Variants in HHIPL2 observed in about 807,000 individuals in gnomAD.
HHIPL2 encodes the protein HHIP-like protein 2.
In HHIPL2, 61 loss-of-function variants were observed where a neutral mutation model predicts 61.0. The observed-to-expected ratio is 1.00, with a 90% CI of 0.81 to 1.24. The LOEUF is 1.24. HHIPL2 is among the 50% of genes most tolerant of loss of function. HHIPL2 has a pLI of 0.00. For missense variants in HHIPL2, 885 were observed against 910.2 expected (o/e 0.97, Z 0.36); for synonymous variants, 343 against 357.4 (o/e 0.96, Z 0.45).
chr1:222,526,359 T>C lies in HHIPL2; in HGVS notation c.1805+610A>G, dbSNP rs76323070. Among the ~76,000 whole-genome samples the C allele has an allele frequency of 6.2e-3, 931 of 150,098 alleles. 21 individuals are homozygous for C. The East Asian group carries it at 0.09, about 15-fold the overall frequency. On this transcript the variant is annotated intron_variant, in intron 7 of 8. Transcript: ENST00000343410. ...CAGTACTTACTCAGGTGCTCAGAGGTGTACACCTGTTGTTAGATGACCTCA... is the reference window on the plus strand; with the variant it reads ...CAGTACTTACTCAGGTGCTCAGAGGCGTACACCTGTTGTTAGATGACCTCA...
chr1:222,535,680 A>G (rs983972555), intron 5 of HHIPL2, among the ~76,000 whole-genome samples: 11 of 152,072 alleles, frequency 7.2e-5, no homozygotes, highest in Non-Finnish European at 8.8e-5. Context: ...TCGTTGTTGC[A>G]TCACCTTCTA....
chr1:222,527,945 T>C (rs1255323310), intron 6 of HHIPL2, among the ~76,000 whole-genome samples: 1 of 152,190 alleles, frequency 6.6e-6, no homozygotes, highest in Non-Finnish European at 1.5e-5. Context: ...CTCTTTTTCT[T>C]TATAAATTAC....
intron 5 of HHIPL2, among the ~76,000 whole-genome samples, chr1:222,538,034 C>T (rs2102617606): frequency 6.6e-6 from 1 of 152,168 alleles, no homozygotes; most frequent in Non-Finnish European, 1.5e-5. Context: ...ATAAAAAAGA[C>T]AAATTACTGA....
intron 5 of HHIPL2, among the ~76,000 whole-genome samples, chr1:222,534,636 T>A (rs1659263862): frequency 7.3e-6 from 1 of 136,640 alleles, no homozygotes; most frequent in African/African-American, 2.8e-5. Flanking sequence ...CAGACCCAAA[T>A]CAAGTTTCTA....
intron 5 of HHIPL2, among the ~76,000 whole-genome samples, chr1:222,534,851 A>G (rs1659268541): frequency 6.6e-6 from 1 of 152,158 alleles, no homozygotes; most frequent in African/African-American, 2.4e-5. Context: ...CCCAATATAC[A>G]TGTAATTAGA....
In HHIPL2 at chr1:222,543,654, T is replaced by C; in HGVS notation, c.857A>G (p.Asn286Ser). ...GLAFHPKFRH[N>S]RKFYIYYSCL... Reference sequence around the variant, plus strand: ...CGAATAATAAATATAGAACTTGCGATTGTGGCGGAATTTGGGGTGAAAAGC... The same window carrying C: ...CGAATAATAAATATAGAACTTGCGACTGTGGCGGAATTTGGGGTGAAAAGC... Residue 286 changes from asparagine to serine, a missense_variant, in exon 2 of 9, where the codon AAT (asparagine) becomes AGT (serine). Transcript: ENST00000343410. 6.2e-7 allele frequency: 1 copy of C among 1,614,148 alleles called. No individual in the cohort carries two copies. Among genetic ancestry groups the C allele is most frequent in the Non-Finnish European group, 8.5e-7 (1 of 1,180,012 alleles).
chr1:222,532,923 T>C (rs1307817628), intron 5 of HHIPL2, among the ~76,000 whole-genome samples: 1 of 152,178 alleles, frequency 6.6e-6, no homozygotes, highest in East Asian at 1.9e-4. Context: ...TATCCCTCTA[T>C]CATCTATCTG....
chr1:222,544,660 G>A (rs1425345201), intron 1 of HHIPL2, among the ~76,000 whole-genome samples: 2 of 151,916 alleles, frequency 1.3e-5, no homozygotes, highest in Non-Finnish European at 2.9e-5. Context: ...CCACCATGTC[G>A]GCCCAGCCTC....
intron 5 of HHIPL2, among the ~76,000 whole-genome samples, chr1:222,535,208 A>G (rs752500067): frequency 2.2e-4 from 34 of 152,238 alleles, no homozygotes; most frequent in Non-Finnish European, 4.4e-4. Flanking sequence ...AAACATGTTA[A>G]CATAGACTTC....
chr1:222,523,429 G>T (rs748094454), intron 8 of HHIPL2, among the ~76,000 whole-genome samples, 183 bp downstream of exon 8: 2 of 152,142 alleles, frequency 1.3e-5, no homozygotes, highest in African/African-American at 4.8e-5. Flanking sequence ...AGAGGAAACC[G>T]GTCACAGTAG....
intron 1 of HHIPL2, among the ~76,000 whole-genome samples, chr1:222,547,161 A>G (rs1197982447): frequency 6.6e-6 from 1 of 152,186 alleles, no homozygotes; most frequent in Non-Finnish European, 1.5e-5. Context: ...TCTGTGAGTC[A>G]CTGCTACTCA....
At chr1:222,532,576 T>C (rs1455655395) in intron 5 of HHIPL2, among the ~76,000 whole-genome samples, 3 of 149,722 alleles carry the variant, frequency 2.0e-5, no homozygotes, top group African/African-American at 7.4e-5. Context: ...ATCATGCCAC[T>C]GCACACTCCA....
chr1:222,546,528 A>G (rs938160866), intron 1 of HHIPL2, among the ~76,000 whole-genome samples: 1 of 152,240 alleles, frequency 6.6e-6, no homozygotes, highest in Non-Finnish European at 1.5e-5. Context: ...GCTGACTTTG[A>G]CTTTCTGAAA....
intron 5 of HHIPL2, among the ~76,000 whole-genome samples, chr1:222,535,219 T>C (rs1229361203): frequency 2.0e-5 from 3 of 152,174 alleles, no homozygotes; most frequent in South Asian, 4.1e-4. Flanking sequence ...CATAGACTTC[T>C]ATACCTAGTG....
At chr1:222,545,755 G>C (rs983998416) in intron 1 of HHIPL2, among the ~76,000 whole-genome samples, 3 of 152,080 alleles carry the variant, frequency 2.0e-5, no homozygotes, top group African/African-American at 7.2e-5. Context: ...CTCTAGCCAG[G>C]CGCAGTAGCT....
intron 8 of HHIPL2, among the ~76,000 whole-genome samples, 153 bp downstream of exon 8, chr1:222,523,459 C>T (rs1023263222): frequency 6.6e-6 from 1 of 152,150 alleles, no homozygotes; most frequent in Admixed American, 6.5e-5. Context: ...TCCTTACACT[C>T]ATAACTCCTC....
chr1:222,522,557 C>A lies in HHIPL2; in HGVS notation c.*44G>T. The stretch of plus-strand genomic sequence containing the variant: ...CAGTGACTTTCATTTGATGAGGTGG[C>A]TCTCCTCTCTCACGTCACCCTGTCG... On this transcript the variant is annotated 3_prime_UTR_variant, in exon 9 of 9. Coordinates refer to ENST00000343410, the MANE Select transcript of HHIPL2 (RefSeq NM_024746.4). The A allele has an allele frequency of 6.4e-7, 1 of 1,554,914 alleles. No individual in the cohort carries two copies. Among genetic ancestry groups the A allele is most frequent in the Admixed American group, 1.7e-5 (1 of 57,430 alleles).
At chr1:222,539,527 T>TAAAAAAA (rs10537670) in intron 4 of HHIPL2, among the ~76,000 whole-genome samples, 1 of 85,170 alleles carries the variant, frequency 1.2e-5, no homozygotes, top group Admixed American at 1.3e-4. Flanking sequence ...AGACTCTGTC[T>TAAAAAAA]AAAAAAAAAA....
Position 222,540,193 on chromosome 1 carries a change from G to A in HHIPL2, c.1267C>T (p.Arg423Cys), listed in dbSNP as rs144328016. 121 of 1,614,104 alleles carry A rather than the reference G, an allele frequency of 7.5e-5. No individual in the cohort carries two copies. Among genetic ancestry groups the A allele is most frequent in the Middle Eastern group, 4.9e-4 (3 of 6,084 alleles). Residue 423 changes from arginine (R) to cysteine (C), a missense_variant, in exon 4 of 9, where the codon CGT becomes TGT. Transcript: ENST00000343410. ...IYAYGIRNMW[R>C]CAVDRGDPIT... is the part of the protein sequence containing the mutation. Reference sequence around the variant, plus strand: ...GGGTCCCCTCGGTCCACAGCACAACGCCACATGTTCCTGATCCCATAGGCA... The same window carrying A: ...GGGTCCCCTCGGTCCACAGCACAACACCACATGTTCCTGATCCCATAGGCA...
Sources: gnomAD v4.1 joint callset for allele counts (sites outside exome capture counted in the v4.1 genomes callset) on GRCh38, gnomAD v4.1.1 for gene constraint, MANE v1.5 for transcripts, NCBI Gene and HGNC (gene_info 2026-07-23, HGNC 2026-07-21) for gene names.